USO1: variants seen among roughly 807,000 people sequenced by gnomAD.
USO1 encodes USO1 vesicle transport factor, also known as general vesicular transport factor p115.
Under a neutral mutation model 124.5 loss-of-function variants are expected in USO1, and 57 were observed. The observed-to-expected ratio is 0.46, with a 90% CI of 0.37 to 0.57. The LOEUF (loss-of-function observed/expected upper bound fraction) is 0.57. Among genes scored for constraint, USO1 ranks in the 20% least tolerant of loss-of-function variants. The pLI is 0.00. For missense variants in USO1, 900 were observed against 1,040.6 expected (o/e 0.86, Z 1.86); for synonymous variants, 369 against 362.8 (o/e 1.02, Z -0.19).
intron 1 of USO1, chr4:75,745,447 A>G (rs1721097167): frequency 2.1e-6 from 1 of 474,504 alleles, no homozygotes; most frequent in Admixed American, 2.3e-5. Flanking sequence ...TTCGCAACAG[A>G]TACTCTGACT....
chr4:75,725,075 A>T, intron 1 of USO1, 190 bp downstream of exon 1: 1 of 652,358 alleles, frequency 1.5e-6, no homozygotes, highest in Non-Finnish European at 2.6e-6. Context: ...CTCAGTCCCC[A>T]TTGCTGCCGT....
rs749862259 is a variant in USO1, at chr4:75,805,174, G to A, written c.2160G>A (p.Glu720=). 8 of 1,609,588 alleles carry A rather than the reference G, an allele frequency of 5.0e-6. No homozygotes were observed. In the South Asian group the frequency reaches 7.8e-5, roughly 16 times the overall value. ...ATCAGCATCAAGGTTCTTACAGTGA[G>A]GGGGCTCAGATGAATGGCATTCAGC... ...KDNQHQGSYS[E]GAQMNGIQPE... Residue 720 remains glutamate, a synonymous_variant, in exon 19 of 24, where the codon GAG becomes GAA. Transcript: ENST00000514213.
chr4:75,790,909 G>GAT, intron 12 of USO1, 112 bp downstream of exon 12: 21 of 1,174,848 alleles, frequency 1.8e-5, no homozygotes, highest in South Asian at 2.5e-5. Flanking sequence ...ATGCTTAGGA[G>GAT]AGAAAAAAAA....
At chr4:75,774,555 A>G (rs1166591558) in intron 7 of USO1, 121 bp from the exon 8 acceptor site, 2 of 1,165,416 alleles carry the variant, frequency 1.7e-6, no homozygotes, top group Non-Finnish European at 2.4e-6. Context: ...CCTTATGTAT[A>G]AAGTAAAGGA....
rs368247486 is a variant in USO1, at chr4:75,745,315, G to A, written c.67-7058G>A. The A allele has an allele frequency of 4.6e-4, 239 of 519,520 alleles. 4 individuals are homozygous for A. The highest frequency in any genetic ancestry group is 3.2e-3 in the South Asian group (226 of 71,488). 32.2% of individuals were successfully genotyped at this position (519,520 alleles called of 1,614,324 possible). ...CTTAGAACAAGGAACTGCCCTGGCT[G>A]GGCAGTTTAGTCAAAGGCTTGTCAG... On this transcript the variant is annotated intron_variant, in intron 1 of 23. Transcript: ENST00000514213.
intron 1 of USO1, among the ~76,000 whole-genome samples, chr4:75,741,601 C>CTTTTTTTTTTTTTTTTTTTTTTTTTTTT (rs34702586): frequency 1.3e-5 from 1 of 78,856 alleles, no homozygotes. Context: ...ACTTTTTAAA[C>CTTTTTTTTTTTTTTTTTTTTTTTTTTTT]TTTTTTTTTT....
At chr4:75,778,783 AT>A (rs1254812029) in intron 8 of USO1, among the ~76,000 whole-genome samples, 1 of 152,202 alleles carries the variant, frequency 6.6e-6, no homozygotes, top group Non-Finnish European at 1.5e-5. Context: ...TTAATTAATA[AT>A]AGTGTATTAG....
At chr4:75,730,285 T>C (rs1002099554) in intron 1 of USO1, among the ~76,000 whole-genome samples, 2 of 152,050 alleles carry the variant, frequency 1.3e-5, no homozygotes, top group African/African-American at 2.4e-5. Flanking sequence ...TGAATAGATG[T>C]CCATGAAAAA....
intron 1 of USO1, among the ~76,000 whole-genome samples, chr4:75,733,745 TG>T (rs1383188600): frequency 1.3e-5 from 2 of 152,114 alleles, no homozygotes; most frequent in African/African-American, 4.8e-5. Context: ...GGTTTGCAGA[TG>T]TTTTCTCCCA....
rs148475170 is a variant in USO1, at chr4:75,765,322, A to G, written c.296-5117A>G. Reference sequence around the variant, plus strand: ...AATTTCTTTATCTGCTTTTTTATCTATACAGTTTCACTAGAATTTGGCTAA... The same window carrying G: ...AATTTCTTTATCTGCTTTTTTATCTGTACAGTTTCACTAGAATTTGGCTAA... On this transcript the variant is annotated intron_variant, in intron 4 of 23. Transcript: ENST00000514213. Among the ~76,000 whole-genome samples the G allele has an allele frequency of 2.9e-3, 437 of 152,152 alleles. 4 individuals are homozygous for G. The highest frequency in any genetic ancestry group is 0.021 in the East Asian group (111 of 5,174).
intron 1 of USO1, among the ~76,000 whole-genome samples, chr4:75,744,332 C>T (rs1721059986): frequency 6.6e-6 from 1 of 152,122 alleles, no homozygotes; most frequent in African/African-American, 2.4e-5. Context: ...TTTCCTAAAC[C>T]CCAGAGTATA....
intron 13 of USO1, among the ~76,000 whole-genome samples, chr4:75,794,525 T>C (rs324740): frequency 0.65 from 98,616 of 152,102 alleles, 34,151 homozygotes; most frequent in East Asian, 0.91. Flanking sequence ...CTTTTTGTTA[T>C]GTGATTTCCC....
At chr4:75,746,256 T>A (rs1388181901) in intron 1 of USO1, among the ~76,000 whole-genome samples, 1 of 152,188 alleles carries the variant, frequency 6.6e-6, no homozygotes, top group African/African-American at 2.4e-5. Flanking sequence ...TTAAAGATAC[T>A]CACAACTCAT....
chr4:75,756,396 G>A (rs1490820693), intron 3 of USO1, among the ~76,000 whole-genome samples: 3 of 148,208 alleles, frequency 2.0e-5, no homozygotes, highest in Admixed American at 6.7e-5. Context: ...TAAATCACAC[G>A]CATATTTTAT....
At chr4:75,805,012 T>G in intron 18 of USO1, 128 bp from the exon 19 acceptor site, 1 of 1,255,952 alleles carries the variant, frequency 8.0e-7, no homozygotes, top group East Asian at 2.6e-5. Context: ...TCTGCAAAGA[T>G]GAAATGTGAT....
intron 23 of USO1, 58 bp from the exon 24 acceptor site, chr4:75,813,148 A>C: frequency 6.4e-7 from 1 of 1,551,572 alleles, no homozygotes; most frequent in Non-Finnish European, 8.7e-7. Flanking sequence ...TATATTGTTA[A>C]ATGTTGAATG....
At chr4:75,736,457 C>T (rs559977023) in intron 1 of USO1, among the ~76,000 whole-genome samples, 1 of 151,940 alleles carries the variant, frequency 6.6e-6, no homozygotes, top group Non-Finnish European at 1.5e-5. Context: ...GCTGGGATTA[C>T]AGGCCTGGCT....
At chr4:75,742,544 CAT>C (rs1394606545) in intron 1 of USO1, among the ~76,000 whole-genome samples, 6 of 152,228 alleles carry the variant, frequency 3.9e-5, no homozygotes, top group African/African-American at 1.4e-4. Context: ...ACTGTATTTA[CAT>C]ATGTGTTATT....
chr4:75,762,666 C>T (rs899974301), intron 4 of USO1, among the ~76,000 whole-genome samples: 1 of 152,086 alleles, frequency 6.6e-6, no homozygotes, highest in Non-Finnish European at 1.5e-5. Flanking sequence ...CGGTGGCTCA[C>T]GCCTGTAATG....
Sources: allele counts gnomAD v4.1 joint callset (sites outside exome capture counted in the v4.1 genomes callset), GRCh38; gene constraint gnomAD v4.1.1; transcripts MANE v1.5; gene names NCBI Gene and HGNC (gene_info 2026-07-23, HGNC 2026-07-21).